Variants in DLC1 observed in about 807,000 individuals in gnomAD.
DLC1 encodes the protein DLC1 Rho GTPase activating protein.
DLC1 carries 54 observed loss-of-function variants against 140.3 expected under a neutral mutation model. That is an observed-to-expected ratio of 0.38 (90% confidence interval 0.31 to 0.48). The LOEUF (loss-of-function observed/expected upper bound fraction) is 0.48, where lower values mean the gene tolerates loss of function less well. DLC1 is among the 20% of genes least tolerant of loss of function. DLC1 has a pLI of 0.96. For synonymous variants in DLC1, 986 were observed against 728.1 expected (o/e 1.35, Z -5.70); for missense variants, 2,536 against 1,907.0 (o/e 1.33, Z -6.14).
At chr8:13,266,711 C>T (rs1334242249) in intron 5 of DLC1, among the ~76,000 whole-genome samples, 1 of 152,078 alleles carries the variant, frequency 6.6e-6, no homozygotes, top group Non-Finnish European at 1.5e-5. Context: ...TGCCACTGCA[C>T]TCCAGCCTGG....
intron 2 of DLC1, among the ~76,000 whole-genome samples, chr8:13,486,474 TTTAAA>T (rs1800972491): frequency 6.6e-6 from 1 of 152,174 alleles, no homozygotes; most frequent in South Asian, 2.1e-4. Context: ...TCTGATTACT[TTTAAA>T]TTATAGAGTT....
intron 2 of DLC1, among the ~76,000 whole-genome samples, chr8:13,492,071 A>G (rs563591902): frequency 6.6e-6 from 1 of 152,284 alleles, no homozygotes; most frequent in South Asian, 2.1e-4. Context: ...TGTCAGTAAT[A>G]AGTCTTCTGT....
At chr8:13,152,040 A>T (rs1483270671) in intron 5 of DLC1, among the ~76,000 whole-genome samples, 2 of 152,178 alleles carry the variant, frequency 1.3e-5, no homozygotes, top group African/African-American at 4.8e-5. Flanking sequence ...CATTTTTTAT[A>T]GTTTCATATT....
At position 13,194,590 on chromosome 8, in the gene DLC1, C is replaced by T. The variant is rs188986835; in HGVS notation, c.1349-78933G>A. Among the ~76,000 whole-genome samples the T allele has an allele frequency of 7.8e-4, 119 of 152,276 alleles. 1 individual carries two copies. The highest frequency in any genetic ancestry group is 5.4e-3 in the Admixed American group (83 of 15,284). ...TTGGAAGAAAGCCACGGGCAGAGGC[C>T]AGCATTACTGGCAAAAGCACAAGGA... On this transcript the variant is annotated intron_variant, in intron 5 of 17. Transcript: ENST00000276297.
At chr8:13,134,822 T>G (rs1455643703) in intron 5 of DLC1, among the ~76,000 whole-genome samples, 2 of 152,126 alleles carry the variant, frequency 1.3e-5, no homozygotes, top group African/African-American at 4.8e-5. Context: ...ATAAGCTAAC[T>G]TCCACTACTG....
chr8:13,459,743 T>A (rs1799573931), intron 2 of DLC1, among the ~76,000 whole-genome samples: 1 of 152,210 alleles, frequency 6.6e-6, no homozygotes, highest in African/African-American at 2.4e-5. Context: ...TAGTGACCCC[T>A]TTGATTTTTA....
chr8:13,567,815 G>GT, intron 1 of DLC1: 4 of 1,551,820 alleles, frequency 2.6e-6, no homozygotes, highest in Non-Finnish European at 2.6e-6. Context: ...AGATACTCTG[G>GT]TTTTGAAAGA....
intron 3 of DLC1, among the ~76,000 whole-genome samples, chr8:13,396,232 T>C (rs1237638531): frequency 6.6e-6 from 1 of 151,866 alleles, no homozygotes; most frequent in East Asian, 1.9e-4. Flanking sequence ...GCTAAATTTT[T>C]GTATTTTTAC....
intron 5 of DLC1, among the ~76,000 whole-genome samples, chr8:13,191,199 G>T (rs1585878115): frequency 6.6e-6 from 1 of 152,176 alleles, no homozygotes; most frequent in Non-Finnish European, 1.5e-5. Flanking sequence ...TTGGGGGTTT[G>T]CTTACATTGC....
intron 2 of DLC1, among the ~76,000 whole-genome samples, chr8:13,453,387 GAT>G (rs375440831): frequency 9.5e-5 from 5 of 52,454 alleles, no homozygotes; most frequent in Admixed American, 3.0e-4. Context: ...GATGGCCCAG[GAT>G]ATATATATAT....
chr8:13,400,848 G>C (rs577623273), intron 3 of DLC1, among the ~76,000 whole-genome samples: 1 of 151,968 alleles, frequency 6.6e-6, no homozygotes, highest in Non-Finnish European at 1.5e-5. Flanking sequence ...GCATATAGTT[G>C]ATCCTAGAAT....
At chr8:13,118,890 ATCT>A (rs1820799261) in intron 5 of DLC1, among the ~76,000 whole-genome samples, 1 of 152,128 alleles carries the variant, frequency 6.6e-6, no homozygotes, top group Admixed American at 6.5e-5. Flanking sequence ...TACAGTATTA[ATCT>A]TCTCTCTCCT....
intron 1 of DLC1, among the ~76,000 whole-genome samples, chr8:13,579,930 A>G (rs934455399): frequency 6.6e-6 from 1 of 151,880 alleles, no homozygotes; most frequent in African/African-American, 2.4e-5. Context: ...GAGACAAACA[A>G]CAATGGTGAC....
intron 4 of DLC1, among the ~76,000 whole-genome samples, chr8:13,357,844 T>G (rs572260117): frequency 4.6e-5 from 7 of 152,118 alleles, no homozygotes; most frequent in Non-Finnish European, 1.0e-4. Context: ...ATATTAGAAA[T>G]TTTGCAGTTT....
At chr8:13,244,898 G>A (rs1418969839) in intron 5 of DLC1, among the ~76,000 whole-genome samples, 1 of 152,234 alleles carries the variant, frequency 6.6e-6, no homozygotes, top group African/African-American at 2.4e-5. Context: ...AGGCAAGAAG[G>A]AAGACGGTTG....
chr8:13,327,792 G>T (rs1477338899), intron 4 of DLC1, among the ~76,000 whole-genome samples: 2 of 152,206 alleles, frequency 1.3e-5, no homozygotes, highest in Non-Finnish European at 2.9e-5. Flanking sequence ...AGTGGGGGAT[G>T]TCAATGTTAA....
intron 2 of DLC1, among the ~76,000 whole-genome samples, chr8:13,464,734 T>A (rs1019862066): frequency 1.4e-5 from 2 of 144,162 alleles, no homozygotes; most frequent in Admixed American, 1.4e-4. Flanking sequence ...TTAAAAAATA[T>A]AGAATTTTAA....
At chr8:13,252,730 C>G (rs1043146761) in intron 5 of DLC1, among the ~76,000 whole-genome samples, 2 of 152,066 alleles carry the variant, frequency 1.3e-5, no homozygotes, top group Non-Finnish European at 2.9e-5. Context: ...GAAAGATCAT[C>G]ATGTGGAAAA....
intron 1 of DLC1, chr8:13,557,579 T>G (rs1020683345): frequency 5.9e-5 from 9 of 152,148 alleles, no homozygotes; most frequent in African/African-American, 2.2e-4. Context: ...TGATAGTGAG[T>G]TCTCAGGAGA....
Sources: allele counts gnomAD v4.1 joint callset (sites outside exome capture counted in the v4.1 genomes callset), GRCh38; gene constraint gnomAD v4.1.1; transcripts MANE v1.5; gene names NCBI Gene and HGNC (gene_info 2026-07-23, HGNC 2026-07-21).